SNRPA1: variants seen among roughly 807,000 people sequenced by gnomAD.
SNRPA1 encodes small nuclear ribonucleoprotein polypeptide A'.
In SNRPA1, 5 loss-of-function variants were observed where a neutral mutation model predicts 32.3. That is an observed-to-expected ratio of 0.15 (90% confidence interval 0.08 to 0.33). The LOEUF is 0.33. SNRPA1 is among the 10% of genes least tolerant of loss of function. SNRPA1 has a pLI of 1.00. For synonymous variants in SNRPA1, 111 were observed against 120.1 expected (o/e 0.92, Z 0.50); for missense variants, 198 against 311.1 (o/e 0.64, Z 2.74).
intron 3 of SNRPA1, among the ~76,000 whole-genome samples, 154 bp downstream of exon 3, chr15:101,291,808 G>A (rs781133334): frequency 3.3e-5 from 5 of 152,142 alleles, no homozygotes; most frequent in African/African-American, 9.7e-5. Flanking sequence ...TGCAACATAC[G>A]GCTGCAGAAC....
rs1274992024 is a variant in SNRPA1 at position 101,284,961 on chromosome 15, G to A, written c.709+6C>T. ...TTTGAACATACAAAGAACACCATTT[G>A]TTCACCTGATCTGCGTTCTCTGCCA... On this transcript the variant is annotated splice_donor_region_variant and intron_variant, in intron 8 of 8. Coordinates refer to ENST00000254193, the MANE Select transcript of SNRPA1 (RefSeq NM_003090.4). 1.2e-6 allele frequency: 2 copies of A among 1,606,338 alleles called. No individual in the cohort carries two copies. Among genetic ancestry groups the A allele is most frequent in the South Asian group, 2.2e-5 (2 of 90,942 alleles).
rs757152353 is a variant in SNRPA1 at position 101,295,115 on chromosome 15, G to A, written c.64C>T (p.Arg22Trp). 25 of 1,538,344 alleles carry A rather than the reference G, an allele frequency of 1.6e-5. No homozygotes were observed. Among genetic ancestry groups the A allele is most frequent in the African/African-American group, 1.4e-5 (1 of 69,908 alleles). Residue 22 changes from arginine to tryptophan, a missense_variant, in exon 1 of 9, where the codon CGG becomes TGG. Arg to Trp is a moderately radical substitution (Grantham distance 101, BLOSUM62 -3). Coordinates refer to ENST00000254193, the MANE Select transcript of SNRPA1 (RefSeq NM_003090.4). ...AAQYTNAVRDRELDLRGYKIP... is the reference protein window; with the variant it reads ...AAQYTNAVRDWELDLRGYKIP... ...GACTCACCCCGGAGGTCCAGCTCCCGGTCGCGCACCGCGTTGGTGTACTGC... is the reference window on the plus strand; with the variant it reads ...GACTCACCCCGGAGGTCCAGCTCCCAGTCGCGCACCGCGTTGGTGTACTGC...
chr15:101,285,635 T>C, intron 7 of SNRPA1, 91 bp downstream of exon 7: 1 of 848,470 alleles, frequency 1.2e-6, no homozygotes, highest in Non-Finnish European at 2.0e-6. Context: ...GAAAATGAAA[T>C]CTGCAATGTT....
At chr15:101,282,944 C>G (rs564237456) in intron 8 of SNRPA1, among the ~76,000 whole-genome samples, 9 of 152,130 alleles carry the variant, frequency 5.9e-5, no homozygotes, top group African/African-American at 2.2e-4. Context: ...ACTGAAACAA[C>G]TGCACCAGTG....
intron 3 of SNRPA1, 83 bp from the exon 4 acceptor site, chr15:101,287,785 G>A (rs1012973258): frequency 1.0e-5 from 13 of 1,255,288 alleles, no homozygotes; most frequent in Non-Finnish European, 1.0e-5. Flanking sequence ...TTTGAAGCAA[G>A]TTGTCTTTTC....
chr15:101,284,565 C>A lies in SNRPA1; in HGVS notation c.709+402G>T, dbSNP rs966927734. On this transcript the variant is annotated intron_variant, in intron 8 of 8. Coordinates refer to ENST00000254193, the MANE Select transcript of SNRPA1 (RefSeq NM_003090.4). ...TTGCCCAGGCTGGAGTACAAAAGTG[C>A]GATCTCGGCTCACCACAACCTCCAC... Among the ~76,000 whole-genome samples the A allele has an allele frequency of 2.0e-5, 3 of 148,810 alleles. No individual in the cohort carries two copies. In the Admixed American group the frequency reaches 2.0e-4, roughly 10 times the overall value.
chr15:101,290,570 T>C (rs911507880), intron 3 of SNRPA1, among the ~76,000 whole-genome samples: 31 of 147,084 alleles, frequency 2.1e-4, no homozygotes, highest in African/African-American at 7.3e-4. Flanking sequence ...AATTAAGTTA[T>C]ACGATTTTTT....
At chr15:101,291,274 A>G (rs2039523342) in intron 3 of SNRPA1, among the ~76,000 whole-genome samples, 2 of 152,374 alleles carry the variant, frequency 1.3e-5, no homozygotes, top group South Asian at 4.1e-4. Flanking sequence ...TTGGATACAC[A>G]GAACAGAAAT....
intron 6 of SNRPA1, 37 bp from the exon 7 acceptor site, chr15:101,285,838 C>T (rs2039449539): frequency 6.6e-7 from 1 of 1,517,048 alleles, no homozygotes; most frequent in African/African-American, 1.4e-5. Context: ...TAGACCTAGA[C>T]CAACAGAAGT....
Position 101,295,238 on chromosome 15 carries a change from T to G in SNRPA1, c.-60A>C. On this transcript the variant is annotated 5_prime_UTR_variant, in exon 1 of 9. Coordinates refer to ENST00000254193, the MANE Select transcript of SNRPA1 (RefSeq NM_003090.4). ...CCCGTGGCCTCCCGCCAGCGAGACG[T>G]CCCAGCGTGCCCCGCGCCCCGCCGC... 1 of 1,393,110 alleles carries G rather than the reference T, an allele frequency of 7.2e-7. No individual in the cohort carries two copies. The highest frequency in any genetic ancestry group is 9.5e-7 in the Non-Finnish European group (1 of 1,051,798). The allele number at this position is 1,393,110 out of a possible 1,614,324, so 86.3% of individuals were successfully genotyped here. A position where few individuals can be genotyped will look rare whatever the true frequency, so the allele number is the denominator to read the frequency against.
At chr15:101,288,047 G>A in intron 3 of SNRPA1, 1 of 234,848 alleles carries the variant, frequency 4.3e-6, no homozygotes, top group Non-Finnish European at 8.6e-6. Flanking sequence ...ACTGGGAACT[G>A]CAAGCCAGAA....
chr15:101,294,851 G>A (rs1197882153), intron 1 of SNRPA1: 7 of 408,160 alleles, frequency 1.7e-5, no homozygotes, highest in Non-Finnish European at 3.1e-5. Flanking sequence ...GACGCACCAG[G>A]AAGTAATGAA....
intron 1 of SNRPA1, among the ~76,000 whole-genome samples, chr15:101,294,128 G>T (rs568956525): frequency 1.3e-5 from 2 of 152,188 alleles, no homozygotes. Flanking sequence ...CCAGCTACTC[G>T]GGAGGCTTGA....
Position 101,282,699 on chromosome 15 carries a change from C to T in SNRPA1, c.710-917G>A, listed in dbSNP as rs534682138. 6.6e-5 allele frequency among the ~76,000 whole-genome samples: 10 copies of T among 152,272 alleles called. No homozygotes were observed. The South Asian group carries it at 1.4e-3, about 22-fold the overall frequency. Reference sequence around the variant, plus strand: ...CACCGACTTTTGCAGATCTTCCAAACGTTGAGCCATGTAATTACACATCAA... The same window carrying T: ...CACCGACTTTTGCAGATCTTCCAAATGTTGAGCCATGTAATTACACATCAA... On this transcript the variant is annotated intron_variant, in intron 8 of 8. Coordinates refer to ENST00000254193, the MANE Select transcript of SNRPA1 (RefSeq NM_003090.4).
In SNRPA1 at chr15:101,285,556, C is replaced by A. The variant is rs749719810; in HGVS notation, c.615+170G>T. Among the ~76,000 whole-genome samples, 30 of 152,342 alleles carry A rather than the reference C, an allele frequency of 2.0e-4. No homozygotes were observed. The Middle Eastern group carries it at 0.01, about 52-fold the overall frequency. The stretch of plus-strand genomic sequence containing the variant: ...TTAATTAGCTTGTGTAATTTCAAGT[C>A]TGATCAAATAATAACTTTATGCTAG... On this transcript the variant is annotated intron_variant, in intron 7 of 8. Coordinates refer to ENST00000254193, the MANE Select transcript of SNRPA1 (RefSeq NM_003090.4).
At chr15:101,294,430 T>C (rs1324944728) in intron 1 of SNRPA1, among the ~76,000 whole-genome samples, 3 of 152,210 alleles carry the variant, frequency 2.0e-5, no homozygotes. Context: ...GCCAACTAGC[T>C]AGCTGCCCTC....
At chr15:101,291,519 CTTTT>C (rs61273059) in intron 3 of SNRPA1, among the ~76,000 whole-genome samples, 3 of 145,802 alleles carry the variant, frequency 2.1e-5, no homozygotes, top group South Asian at 2.2e-4. Flanking sequence ...AGATAGTTTA[CTTTT>C]TTTTTTTTTT....
rs770768586 is a variant in SNRPA1 at position 101,287,013 on chromosome 15, A to G, written c.357-3T>C. ...TGGTTACCGGATTTCTTAGGATACT[A>G]CAAGAAAAGGAATGACACAATGGCA... On this transcript the variant is annotated splice_region_variant and splice_polypyrimidine_tract_variant and intron_variant, in intron 4 of 8. Transcript: ENST00000254193. The G allele has an allele frequency of 6.5e-7, 1 of 1,535,292 alleles. No homozygotes were observed. The highest frequency in any genetic ancestry group is 9.0e-7 in the Non-Finnish European group (1 of 1,109,910).
Position 101,285,102 on chromosome 15 carries a change from C to T in SNRPA1, c.616-42G>A, listed in dbSNP as rs760893171. 4 of 1,413,810 alleles carry T rather than the reference C, an allele frequency of 2.8e-6. 1 individual carries two copies. The South Asian group carries it at 4.6e-5, about 16-fold the overall frequency. The allele number at this position is 1,413,810 out of a possible 1,614,324, so 87.6% of individuals were successfully genotyped here. ...AATGGAGATGGATGATTAACTTCAACCAAGTATCAGCTACCCAGAAAACTA... is the reference window on the plus strand; with the variant it reads ...AATGGAGATGGATGATTAACTTCAATCAAGTATCAGCTACCCAGAAAACTA... On this transcript the variant is annotated intron_variant, in intron 7 of 8. Transcript: ENST00000254193.
Sources: gnomAD v4.1 joint callset for allele counts (sites outside exome capture counted in the v4.1 genomes callset) on GRCh38, gnomAD v4.1.1 for gene constraint, MANE v1.5 for transcripts, NCBI Gene and HGNC (gene_info 2026-07-23, HGNC 2026-07-21) for gene names.